Variants in KCNQ4 observed in about 807,000 individuals in gnomAD.
KCNQ4 encodes potassium voltage-gated channel subfamily KQT member 4.
KCNQ4 carries 31 observed loss-of-function variants against 72.6 expected under a neutral mutation model. That is an observed-to-expected ratio of 0.43 (90% confidence interval 0.32 to 0.58). The LOEUF is 0.58. Among genes scored for constraint, KCNQ4 ranks in the 20% least tolerant of loss-of-function variants. The probability of loss-of-function intolerance (pLI) is 0.08; values close to 1 mark genes in which losing one functional copy is unlikely to be tolerated. For synonymous variants in KCNQ4, 405 were observed against 403.7 expected, an observed-to-expected ratio of 1.00 and a Z score of -0.04; for missense variants, 869 against 962.6, an observed-to-expected ratio of 0.90 and a Z score of 1.29.
At chr1:40,818,741 G>T (rs893817024) in intron 4 of KCNQ4, 61 bp downstream of exon 4, 2 of 1,527,356 alleles carry the variant, frequency 1.3e-6, no homozygotes, top group Non-Finnish European at 8.8e-7. Context: ...ACCAGAGCGG[G>T]CAGGGCGGAG....
At chr1:40,830,285 G>A (rs1648598756) in intron 9 of KCNQ4, among the ~76,000 whole-genome samples, 1 of 152,122 alleles carries the variant, frequency 6.6e-6, no homozygotes, top group South Asian at 2.1e-4. Flanking sequence ...CATACATGTG[G>A]GCCCAGCAGC....
chr1:40,821,812 A>G (rs1178120550), intron 7 of KCNQ4, among the ~76,000 whole-genome samples: 1 of 152,156 alleles, frequency 6.6e-6, no homozygotes, highest in African/African-American at 2.4e-5. Context: ...GTATTCATCA[A>G]ATGTGATAAG....
rs1458545109 is a variant in KCNQ4, at chr1:40,824,080, G to A, written c.1131-17G>A. The A allele has an allele frequency of 6.5e-6, 10 of 1,550,058 alleles. No individual in the cohort carries two copies. The highest frequency in any genetic ancestry group is 7.8e-6 in the Non-Finnish European group (9 of 1,147,258). Reference sequence around the variant, plus strand: ...TGCCATGGCCCTGCCTGCCACTGATGGTGCCCTCTCCTGCAGAGAGCTGGC... The same window carrying A: ...TGCCATGGCCCTGCCTGCCACTGATAGTGCCCTCTCCTGCAGAGAGCTGGC... On this transcript the variant is annotated splice_polypyrimidine_tract_variant and intron_variant, in intron 8 of 13. Coordinates refer to ENST00000347132, the MANE Select transcript of KCNQ4 (RefSeq NM_004700.4).
intron 1 of KCNQ4, chr1:40,805,244 C>A (rs1232208953): frequency 6.6e-6 from 1 of 152,146 alleles, no homozygotes; most frequent in Non-Finnish European, 1.5e-5. Flanking sequence ...GTCATTGCTC[C>A]CTCCTCCCCT....
In KCNQ4 at chr1:40,788,037, G is replaced by T. The variant is rs1280053419; in HGVS notation, c.314+3630G>T. ...CTCAGCCTTGTCCGTGGGGTCAGAA[G>T]CTGTGGGAATGGGGAGGGGAGGAGG... On this transcript the variant is annotated intron_variant, in intron 1 of 13. Transcript: ENST00000347132. This position sits in a 1 kb window ranked among gnomAD's most constrained non-coding sequence, Gnocchi z 4.5. 2.0e-5 allele frequency among the ~76,000 whole-genome samples: 3 copies of T among 152,178 alleles called. No homozygotes were observed. The highest frequency in any genetic ancestry group is 2.9e-5 in the Non-Finnish European group (2 of 68,038).
At chr1:40,821,776 T>A (rs4483396) in intron 7 of KCNQ4, among the ~76,000 whole-genome samples, 58,900 of 152,046 alleles carry the variant, frequency 0.39, 11,782 homozygotes, top group Non-Finnish European at 0.4. Context: ...GGAGAGAAAG[T>A]TATCAGTCAA....
chr1:40,817,400 C>T lies in KCNQ4; in HGVS notation c.405+45C>T. 6.7e-7 allele frequency: 1 copy of T among 1,493,438 alleles called. No individual in the cohort carries two copies. Among genetic ancestry groups the T allele is most frequent in the Non-Finnish European group, 9.3e-7 (1 of 1,078,486 alleles). 92.5% of individuals were successfully genotyped at this position (1,493,438 alleles called of 1,614,324 possible). Reference sequence around the variant, plus strand: ...GACTGAGGGGGGCTGTGTGAGGTAGCACCTCTGGGCTGGGAGTCCGGGACT... The same window carrying T: ...GACTGAGGGGGGCTGTGTGAGGTAGTACCTCTGGGCTGGGAGTCCGGGACT... On this transcript the variant is annotated intron_variant, in intron 2 of 13. Coordinates refer to ENST00000347132, the MANE Select transcript of KCNQ4 (RefSeq NM_004700.4). This position sits in a 1 kb window ranked among gnomAD's most constrained non-coding sequence, Gnocchi z 5.5.
intron 1 of KCNQ4, among the ~76,000 whole-genome samples, chr1:40,814,564 T>C (rs979327269): frequency 6.6e-6 from 1 of 151,626 alleles, no homozygotes; most frequent in African/African-American, 2.4e-5. Flanking sequence ...ATTAGCCGGG[T>C]GTGGTGTCAT....
At chr1:40,796,519 A>C (rs1647415185) in intron 1 of KCNQ4, among the ~76,000 whole-genome samples, 1 of 152,170 alleles carries the variant, frequency 6.6e-6, no homozygotes, top group African/African-American at 2.4e-5. Flanking sequence ...TTCTAACCAC[A>C]AGAGTCTAGC....
chr1:40,823,211 G>A (rs1009074450), intron 8 of KCNQ4, among the ~76,000 whole-genome samples: 2 of 152,214 alleles, frequency 1.3e-5, no homozygotes, highest in African/African-American at 4.8e-5. Context: ...CCCAGCCCTA[G>A]GGGCTTCCCA....
rs552629977 is a variant in KCNQ4 at position 40,818,406 on chromosome 1, C to T, written c.533-99C>T. Reference sequence around the variant, plus strand: ...CCGCACAGATTCAGCGGACCCTCCCCCTCCCTCCCCAGTCCCCTGCCACAT... The same window carrying T: ...CCGCACAGATTCAGCGGACCCTCCCTCTCCCTCCCCAGTCCCCTGCCACAT... On this transcript the variant is annotated intron_variant, in intron 3 of 13. Transcript: ENST00000347132. 6.5e-6 allele frequency: 10 copies of T among 1,550,140 alleles called. No homozygotes were observed. The East Asian group carries it at 2.0e-4, about 31-fold the overall frequency.
chr1:40,810,278 C>T (rs1445721815), intron 1 of KCNQ4, among the ~76,000 whole-genome samples: 1 of 152,162 alleles, frequency 6.6e-6, no homozygotes, highest in Non-Finnish European at 1.5e-5. Context: ...CCTGGGGCAC[C>T]CCGACCCCTG....
chr1:40,790,930 G>A (rs867080959), intron 1 of KCNQ4, among the ~76,000 whole-genome samples: 1 of 152,264 alleles, frequency 6.6e-6, no homozygotes. Context: ...TGGGGAGGAC[G>A]GTGTATGCCA....
chr1:40,784,512 G>A lies in KCNQ4; in HGVS notation c.314+105G>A. ...CCGCCTTCTACCCCCCTGCCTCAGG[G>A]CCGACCCTCATCTCTCTCCCCCCAG... On this transcript the variant is annotated intron_variant, in intron 1 of 13. Coordinates refer to ENST00000347132, the MANE Select transcript of KCNQ4 (RefSeq NM_004700.4). This position sits in a 1 kb window ranked among gnomAD's most constrained non-coding sequence, Gnocchi z 4.1. 1.8e-6 allele frequency: 2 copies of A among 1,105,364 alleles called. No individual in the cohort carries two copies. The allele number at this position is 1,105,364 out of a possible 1,614,324, so 68.5% of individuals were successfully genotyped here.
chr1:40,784,537 G>T lies in KCNQ4; in HGVS notation c.314+130G>T. On this transcript the variant is annotated intron_variant, in intron 1 of 13. Transcript: ENST00000347132. The surrounding 1 kb of genome is among the most constrained non-coding windows in gnomAD (Gnocchi z 4.1). ...GCCGACCCTCATCTCTCTCCCCCCA[G>T]GCCTAAGCCCGGTTTCTGATCCCCT... is the stretch of plus-strand genomic sequence containing the variant. 1 of 869,398 alleles carries T rather than the reference G, an allele frequency of 1.2e-6. No homozygotes were observed. The highest frequency in any genetic ancestry group is 1.9e-6 in the Non-Finnish European group (1 of 536,608). 53.9% of individuals were successfully genotyped at this position (869,398 alleles called of 1,614,324 possible).
chr1:40,837,544 C>T lies in KCNQ4; in HGVS notation c.1746-121C>T, dbSNP rs1570856588. 5 of 1,286,668 alleles carry T rather than the reference C, an allele frequency of 3.9e-6. No homozygotes were observed. The East Asian group carries it at 9.6e-5, about 25-fold the overall frequency. The allele number at this position is 1,286,668 out of a possible 1,614,324, so 79.7% of individuals were successfully genotyped here. On this transcript the variant is annotated intron_variant, in intron 12 of 13. Transcript: ENST00000347132. ...CAGCCTCCATCTGGCAGGGCAATGG[C>T]CCCTTCCCTCAGATTGCCTGTCCCC...
rs1558002812 is a variant in KCNQ4 at position 40,808,290 on chromosome 1, C to T, written c.315-8975C>T. ...ATACTTGGGGGTGGGGAGCGGTCCT[C>T]TTCTCACACAGGCTGCTTCCTACTG... On this transcript the variant is annotated intron_variant, in intron 1 of 13. Coordinates refer to ENST00000347132, the MANE Select transcript of KCNQ4 (RefSeq NM_004700.4). Among the ~76,000 whole-genome samples the T allele has an allele frequency of 2.0e-5, 3 of 152,220 alleles. No individual in the cohort carries two copies. In the South Asian group the frequency reaches 6.2e-4, roughly 32 times the overall value.
At chr1:40,837,848 G>A in intron 13 of KCNQ4, 54 bp downstream of exon 13, 2 of 1,570,654 alleles carry the variant, frequency 1.3e-6, no homozygotes, top group Non-Finnish European at 1.7e-6. Context: ...TCTGGGGGCC[G>A]CGGTGACATG....
At chr1:40,825,921 G>T (rs957814184) in intron 9 of KCNQ4, among the ~76,000 whole-genome samples, 1 of 152,138 alleles carries the variant, frequency 6.6e-6, no homozygotes, top group African/African-American at 2.4e-5. Flanking sequence ...ACTACTAAGG[G>T]CTTGGCTGTC....
Sources: allele counts gnomAD v4.1 joint callset (sites outside exome capture counted in the v4.1 genomes callset), GRCh38; gene constraint gnomAD v4.1.1; non-coding constraint Gnocchi (gnomAD v3.1); transcripts MANE v1.5; gene names NCBI Gene and HGNC (gene_info 2026-07-23, HGNC 2026-07-21).